MGAT4A: variants seen among roughly 807,000 people sequenced by gnomAD.
MGAT4A encodes the protein alpha-1,3-mannosyl-glycoprotein 4-beta-N-acetylglucosaminyltransferase A.
Under a neutral mutation model 74.1 loss-of-function variants are expected in MGAT4A, and 33 were observed. The ratio of observed to expected loss-of-function variants is 0.45; its 90% CI spans 0.34 to 0.60. MGAT4A has a LOEUF of 0.60. Among genes scored for constraint, MGAT4A ranks in the 20% least tolerant of loss-of-function variants. The pLI, the probability that MGAT4A is intolerant of heterozygous loss-of-function variation, is 0.02. For synonymous variants in MGAT4A, 198 were observed against 210.4 expected, an observed-to-expected ratio of 0.94 and a Z score of 0.51; for missense variants, 479 against 628.3, an observed-to-expected ratio of 0.76 and a Z score of 2.54.
chr2:98,675,542 T>C (rs1030368036), intron 3 of MGAT4A, among the ~76,000 whole-genome samples: 1 of 149,914 alleles, frequency 6.7e-6, no homozygotes, highest in Non-Finnish European at 1.5e-5. Flanking sequence ...CATCAATCAC[T>C]TCCATTTTCT....
intron 2 of MGAT4A, among the ~76,000 whole-genome samples, chr2:98,688,162 T>C (rs1702152117): frequency 6.6e-6 from 1 of 152,222 alleles, no homozygotes; most frequent in Non-Finnish European, 1.5e-5. Flanking sequence ...TGAAATCTTC[T>C]ATTTTTAAGG....
intron 2 of MGAT4A, among the ~76,000 whole-genome samples, chr2:98,686,550 G>T (rs1559169067): frequency 1.4e-5 from 2 of 145,984 alleles, no homozygotes; most frequent in East Asian, 4.0e-4. Context: ...GTTTTTTGGT[G>T]TTTTTTTTTT....
intron 1 of MGAT4A, among the ~76,000 whole-genome samples, chr2:98,730,820 A>G (rs997702051): frequency 7.1e-5 from 8 of 112,810 alleles, no homozygotes; most frequent in African/African-American, 2.7e-4. Context: ...CCCGAGGCCC[A>G]GCCGCTCCCG....
In MGAT4A at chr2:98,645,527, T is replaced by C; in HGVS notation, c.790A>G (p.Ile264Val). The change falls in exon 9 of 16, where the codon ATT becomes GTT. Residue 264 changes from isoleucine to valine, a missense_variant. Ile to Val is a conservative substitution (Grantham distance 29). Coordinates refer to ENST00000393487, the MANE Select transcript of MGAT4A (RefSeq NM_012214.3). ...IYYIQLEDDI[I>V]VKQNYFNTIK... ...GTATTAAAATAATTTTGTTTGACAATAATATCATCTTCAAGCTAGAGAAAA... is the reference window on the plus strand; with the variant it reads ...GTATTAAAATAATTTTGTTTGACAACAATATCATCTTCAAGCTAGAGAAAA... 6.4e-7 allele frequency: 1 copy of C among 1,571,440 alleles called. No homozygotes were observed. Among genetic ancestry groups the C allele is most frequent in the Non-Finnish European group, 8.6e-7 (1 of 1,162,654 alleles).
At chr2:98,629,740 G>A (rs1290712890) in intron 14 of MGAT4A, among the ~76,000 whole-genome samples, 1 of 151,930 alleles carries the variant, frequency 6.6e-6, no homozygotes, top group Non-Finnish European at 1.5e-5. Flanking sequence ...TTCTTCAGTC[G>A]AAGAAAAAAT....
chr2:98,645,617 A>C lies in MGAT4A; in HGVS notation c.775-75T>G, dbSNP rs570104442. ...TGAGAGAAGGATATTATTATGGAAA[A>C]ATACAAGCATACCTTTATCATGAAA... is the stretch of plus-strand genomic sequence containing the variant. On this transcript the variant is annotated intron_variant, in intron 8 of 15. Coordinates refer to ENST00000393487, the MANE Select transcript of MGAT4A (RefSeq NM_012214.3). 5.8e-6 allele frequency: 6 copies of C among 1,036,874 alleles called. No homozygotes were observed. The African/African-American group carries it at 8.3e-5, about 14-fold the overall frequency. 64.2% of individuals were successfully genotyped at this position (1,036,874 alleles called of 1,614,324 possible). A position where few individuals can be genotyped will look rare whatever the true frequency, so the allele number is the denominator to read the frequency against.
chr2:98,689,591 A>G (rs1346254259), intron 2 of MGAT4A, among the ~76,000 whole-genome samples: 1 of 152,170 alleles, frequency 6.6e-6, no homozygotes, highest in African/African-American at 2.4e-5. Context: ...TGGAGGCTGA[A>G]GCGGGTGGAT....
At chr2:98,705,997 C>T (rs1240790306) in intron 2 of MGAT4A, among the ~76,000 whole-genome samples, 1 of 151,498 alleles carries the variant, frequency 6.6e-6, no homozygotes, top group Admixed American at 6.6e-5. Flanking sequence ...ATAAAATTCC[C>T]ATTATTGAAC....
At chr2:98,660,417 C>T (rs999971642) in intron 5 of MGAT4A, among the ~76,000 whole-genome samples, 35 of 103,594 alleles carry the variant, frequency 3.4e-4, no homozygotes, top group African/African-American at 9.3e-4. Flanking sequence ...CACACGCACG[C>T]GCACACACAC....
intron 2 of MGAT4A, among the ~76,000 whole-genome samples, chr2:98,688,337 G>A (rs778225804): frequency 1.3e-4 from 20 of 152,158 alleles, no homozygotes; most frequent in Non-Finnish European, 1.0e-4. Flanking sequence ...TGTCACAAGC[G>A]GACTCTGCAG....
At chr2:98,645,653 C>T (rs1278417061) in intron 8 of MGAT4A, 111 bp from the exon 9 acceptor site, 1 of 809,612 alleles carries the variant, frequency 1.2e-6, no homozygotes, top group African/African-American at 1.8e-5. Context: ...ATGAAGAAGA[C>T]AATGGTAAAA....
At chr2:98,655,076 T>C (rs147920183) in intron 8 of MGAT4A, among the ~76,000 whole-genome samples, 37 of 152,298 alleles carry the variant, frequency 2.4e-4, no homozygotes, top group African/African-American at 8.7e-4. Context: ...ATTAGTTCAT[T>C]GTAAGACCAC....
At chr2:98,698,945 T>C (rs1054992362) in intron 2 of MGAT4A, among the ~76,000 whole-genome samples, 1 of 152,210 alleles carries the variant, frequency 6.6e-6, no homozygotes, top group African/African-American at 2.4e-5. Flanking sequence ...ATTACATACT[T>C]ATCTCTTTTT....
intron 4 of MGAT4A, among the ~76,000 whole-genome samples, chr2:98,670,772 C>A (rs1314501566): frequency 1.3e-5 from 2 of 152,120 alleles, no homozygotes; most frequent in Non-Finnish European, 2.9e-5. Flanking sequence ...TGGAAATTAA[C>A]TGCTGGAAAA....
At chr2:98,711,053 G>C (rs1290076895) in intron 2 of MGAT4A, among the ~76,000 whole-genome samples, 2 of 151,954 alleles carry the variant, frequency 1.3e-5, no homozygotes, top group South Asian at 2.1e-4. Flanking sequence ...CCTCTTGTCT[G>C]AGAAGAAGAA....
At chr2:98,682,759 A>G (rs1702079005) in intron 2 of MGAT4A, among the ~76,000 whole-genome samples, 1 of 152,148 alleles carries the variant, frequency 6.6e-6, no homozygotes, top group African/African-American at 2.4e-5. Flanking sequence ...TCTCAAGGAA[A>G]CATCGGACAC....
At position 98,622,078 on chromosome 2, in the gene MGAT4A, A is replaced by C; in HGVS notation, c.*3488T>G. ...GTGGAGAATGCATGAGACTAAGATA[A>C]AGAACTTAAGAAATCTTACATCTTA... is the stretch of plus-strand genomic sequence containing the variant. On this transcript the variant is annotated 3_prime_UTR_variant, in exon 16 of 16. Transcript: ENST00000393487. 1.0e-6 allele frequency: 1 copy of C among 985,474 alleles called. No homozygotes were observed. The highest frequency in any genetic ancestry group is 1.2e-6 in the Non-Finnish European group (1 of 829,932). The allele number at this position is 985,474 out of a possible 1,614,324, so 61.0% of individuals were successfully genotyped here. A position where few individuals can be genotyped will look rare whatever the true frequency, so the allele number is the denominator to read the frequency against.
intron 8 of MGAT4A, among the ~76,000 whole-genome samples, chr2:98,653,998 G>A (rs190395765): frequency 1.5e-4 from 23 of 152,150 alleles, no homozygotes; most frequent in Admixed American, 2.0e-4. Flanking sequence ...TACAGGGATC[G>A]TTCAACACAC....
intron 2 of MGAT4A, among the ~76,000 whole-genome samples, chr2:98,717,378 CAAA>C (rs35974409): frequency 3.2e-5 from 3 of 92,952 alleles, no homozygotes; most frequent in African/African-American, 4.1e-5. Context: ...GACTCCATCT[CAAA>C]AAAAAAAAAA....
Sources: allele counts gnomAD v4.1 joint callset (sites outside exome capture counted in the v4.1 genomes callset), GRCh38; gene constraint gnomAD v4.1.1; transcripts MANE v1.5; gene names NCBI Gene and HGNC (gene_info 2026-07-23, HGNC 2026-07-21).